SLC6A11: variants seen among roughly 807,000 people sequenced by gnomAD.
The protein encoded by SLC6A11 is sodium- and chloride-dependent GABA transporter 3.
Under a neutral mutation model 74.8 loss-of-function variants are expected in SLC6A11, and 25 were observed. The observed-to-expected ratio is 0.33, with a 90% confidence interval of 0.24 to 0.47. The LOEUF is 0.47. SLC6A11 is among the 20% of genes least tolerant of loss of function. The pLI is 1.00. For missense variants in SLC6A11, 574 were observed against 837.0 expected (o/e 0.69, Z 3.88); for synonymous variants, 330 against 330.2 (o/e 1.00, Z 0.01).
At chr3:10,933,362 A>G (rs1214967967) in intron 11 of SLC6A11, 109 bp downstream of exon 11, 1 of 752,680 alleles carries the variant, frequency 1.3e-6, no homozygotes, top group African/African-American at 1.7e-5. Flanking sequence ...CTTGGTCTAT[A>G]CTGGCCTCTT....
intron 6 of SLC6A11, among the ~76,000 whole-genome samples, chr3:10,876,136 G>T (rs1045745643): frequency 1.3e-5 from 2 of 152,222 alleles, no homozygotes; most frequent in Non-Finnish European, 2.9e-5. Context: ...GAGCTTGTGG[G>T]GGAAGCGTTT....
At chr3:10,854,347 C>A (rs1418824412) in intron 5 of SLC6A11, among the ~76,000 whole-genome samples, 1 of 152,192 alleles carries the variant, frequency 6.6e-6, no homozygotes, top group Non-Finnish European at 1.5e-5. Flanking sequence ...CGAGATCGCA[C>A]CACTGCACTC....
At chr3:10,909,880 A>G (rs1362160974) in intron 6 of SLC6A11, among the ~76,000 whole-genome samples, 1 of 152,150 alleles carries the variant, frequency 6.6e-6, no homozygotes, top group Non-Finnish European at 1.5e-5. Context: ...TCTCCACTGG[A>G]CCTTTCCTAC....
chr3:10,936,050 C>T (rs539987313), intron 13 of SLC6A11, among the ~76,000 whole-genome samples: 14 of 152,250 alleles, frequency 9.2e-5, no homozygotes, highest in Admixed American at 2.6e-4. Context: ...TACTCCAGAG[C>T]GGCACTCCCT....
chr3:10,846,262 T>G (rs1047054725), intron 5 of SLC6A11, among the ~76,000 whole-genome samples: 2 of 152,240 alleles, frequency 1.3e-5, no homozygotes, highest in Non-Finnish European at 2.9e-5. Flanking sequence ...AAACACAGCC[T>G]CTTCCCTACC....
chr3:10,819,214 T>C (rs1694104001), intron 1 of SLC6A11, among the ~76,000 whole-genome samples: 1 of 152,218 alleles, frequency 6.6e-6, no homozygotes, highest in Non-Finnish European at 1.5e-5. Context: ...ATTACAGTTC[T>C]ATGAGGGAAG....
rs1324942784 is a variant in SLC6A11 at position 10,929,942 on chromosome 3, A to G, written c.1371+603A>G. ...CTCCCATAGCCATCCTGTCAAATAA[A>G]TACCTTCTTATGTATCTTGGGAAGG... On this transcript the variant is annotated intron_variant, in intron 10 of 13. Transcript: ENST00000254488. Among the ~76,000 whole-genome samples the G allele has an allele frequency of 2.6e-5, 4 of 152,160 alleles. No individual in the cohort carries two copies. The South Asian group carries it at 6.2e-4, about 24-fold the overall frequency.
chr3:10,883,876 C>A (rs532155837), intron 6 of SLC6A11, among the ~76,000 whole-genome samples: 2 of 152,124 alleles, frequency 1.3e-5, no homozygotes, highest in African/African-American at 2.4e-5. Context: ...CTACTTGAGA[C>A]TGAAAATCCC....
intron 4 of SLC6A11, among the ~76,000 whole-genome samples, chr3:10,840,589 C>T (rs920070744): frequency 2.6e-5 from 4 of 152,210 alleles, no homozygotes; most frequent in African/African-American, 7.2e-5. Flanking sequence ...TGCCATGTTC[C>T]GTACAATCCT....
At chr3:10,831,589 C>A (rs985857659) in intron 4 of SLC6A11, among the ~76,000 whole-genome samples, 2 of 152,080 alleles carry the variant, frequency 1.3e-5, no homozygotes, top group African/African-American at 2.4e-5. Flanking sequence ...ACAGATTACC[C>A]AGGAGTGGGA....
chr3:10,892,965 C>T (rs552668401), intron 6 of SLC6A11, among the ~76,000 whole-genome samples: 139 of 152,190 alleles, frequency 9.1e-4, no homozygotes, highest in African/African-American at 3.2e-3. Context: ...GTTGACTGAC[C>T]CTTCCAGAAC....
chr3:10,930,552 A>G (rs1011611328), intron 10 of SLC6A11, among the ~76,000 whole-genome samples: 6 of 152,198 alleles, frequency 3.9e-5, no homozygotes, highest in African/African-American at 1.4e-4. Flanking sequence ...CCCCACTCGG[A>G]GAAACCAGGC....
chr3:10,816,668 T>G lies in SLC6A11; in HGVS notation c.256+147T>G. On this transcript the variant is annotated intron_variant, in intron 1 of 13. Coordinates refer to ENST00000254488, the MANE Select transcript of SLC6A11 (RefSeq NM_014229.3). The surrounding 1 kb of genome is among the most constrained non-coding windows in gnomAD (Gnocchi z 4.2). Reference sequence around the variant, plus strand: ...GACTCCAGGCACCTCGCGTGTGAGCTCGCCCCGGAGCGCGGCCCACCTGTG... The same window carrying G: ...GACTCCAGGCACCTCGCGTGTGAGCGCGCCCCGGAGCGCGGCCCACCTGTG... 5 of 879,608 alleles carry G rather than the reference T, an allele frequency of 5.7e-6. No individual in the cohort carries two copies. The South Asian group carries it at 1.1e-4, about 19-fold the overall frequency. The allele number at this position is 879,608 out of a possible 1,614,324, so 54.5% of individuals were successfully genotyped here.
intron 3 of SLC6A11, among the ~76,000 whole-genome samples, chr3:10,822,061 C>T (rs193177074): frequency 1.3e-5 from 2 of 152,348 alleles, no homozygotes; most frequent in Admixed American, 6.5e-5. Flanking sequence ...GGACTGCAAA[C>T]CTCTTTCTTC....
At chr3:10,828,855 CTCTT>C (rs1389882007) in intron 4 of SLC6A11, among the ~76,000 whole-genome samples, 1 of 152,168 alleles carries the variant, frequency 6.6e-6, no homozygotes, top group Non-Finnish European at 1.5e-5. Flanking sequence ...TGATTATTCT[CTCTT>C]TCTCCATCAG....
chr3:10,917,685 C>A (rs3774082), intron 7 of SLC6A11, among the ~76,000 whole-genome samples: 1 of 152,148 alleles, frequency 6.6e-6, no homozygotes, highest in East Asian at 1.9e-4. Context: ...GCTGGTGAGT[C>A]CCCCCGCTCC....
rs1695786027 is a variant in SLC6A11, at chr3:10,938,550, C to T, written c.*148C>T. ...AGTTAATTTTAAGGTGGCCACTGTA[C>T]ACTGCTCTAAAGTCATATCCCCTCC... On this transcript the variant is annotated 3_prime_UTR_variant, in exon 14 of 14. Coordinates refer to ENST00000254488, the MANE Select transcript of SLC6A11 (RefSeq NM_014229.3). 5.3e-6 allele frequency: 4 copies of T among 749,312 alleles called. No individual in the cohort carries two copies. Among genetic ancestry groups the T allele is most frequent in the East Asian group, 2.7e-5 (1 of 36,436 alleles). The allele number at this position is 749,312 out of a possible 1,614,324, so 46.4% of individuals were successfully genotyped here. A position where few individuals can be genotyped will look rare whatever the true frequency, so the allele number is the denominator to read the frequency against.
chr3:10,936,194 C>T (rs910355366), intron 13 of SLC6A11, among the ~76,000 whole-genome samples: 25 of 152,210 alleles, frequency 1.6e-4, no homozygotes, highest in African/African-American at 5.3e-4. Flanking sequence ...TCATTTAATC[C>T]GCATAGCAAT....
At chr3:10,875,840 A>G (rs1694901841) in intron 6 of SLC6A11, among the ~76,000 whole-genome samples, 1 of 152,224 alleles carries the variant, frequency 6.6e-6, no homozygotes, top group African/African-American at 2.4e-5. Context: ...TACACGTCAG[A>G]AACTCTTGGG....
Sources: gnomAD v4.1 joint callset for allele counts (sites outside exome capture counted in the v4.1 genomes callset) on GRCh38, gnomAD v4.1.1 for gene constraint, Gnocchi (gnomAD v3.1) non-coding constraint, MANE v1.5 for transcripts, NCBI Gene and HGNC (gene_info 2026-07-23, HGNC 2026-07-21) for gene names.